Variants in SRGAP1 observed in about 807,000 individuals in gnomAD.
The protein encoded by SRGAP1 is SLIT-ROBO Rho GTPase activating protein 1.
SRGAP1 carries 43 observed loss-of-function variants against 121.9 expected under a neutral mutation model. The observed-to-expected ratio is 0.35, with a 90% confidence interval of 0.28 to 0.46. SRGAP1 has a LOEUF of 0.46. Among genes scored for constraint, SRGAP1 ranks in the 20% least tolerant of loss-of-function variants. SRGAP1 has a pLI of 1.00. For missense variants in SRGAP1, 1,102 were observed against 1,350.9 expected, an observed-to-expected ratio of 0.82 and a Z score of 2.89; for synonymous variants, 447 against 485.4, an observed-to-expected ratio of 0.92 and a Z score of 1.04.
In SRGAP1 at chr12:63,946,936, AT is replaced by A. The variant is rs576817613; in HGVS notation, c.68-37001del. ...GTCTTGCTTCTTTTACTTAGCAAAGATTTTTTTTTTAATTCACTCATATTGC... is the reference window on the plus strand; with the variant it reads ...GTCTTGCTTCTTTTACTTAGCAAAGATTTTTTTTTAATTCACTCATATTGC... On this transcript the variant is annotated intron_variant, in intron 1 of 21. Transcript: ENST00000355086. 2.7e-3 allele frequency among the ~76,000 whole-genome samples: 404 copies of A among 150,438 alleles called. 4 individuals are homozygous for A. Among genetic ancestry groups the A allele is most frequent in the Middle Eastern group, 0.017 (5 of 294 alleles).
chr12:63,877,238 G>A (rs555486978), intron 1 of SRGAP1, among the ~76,000 whole-genome samples: 1 of 152,038 alleles, frequency 6.6e-6, no homozygotes, highest in Non-Finnish European at 1.5e-5. Flanking sequence ...AAAAGAAAGA[G>A]AAAATAATGG....
intron 3 of SRGAP1, among the ~76,000 whole-genome samples, chr12:64,004,785 C>T (rs2034027391): frequency 6.6e-6 from 1 of 152,178 alleles, no homozygotes; most frequent in African/African-American, 2.4e-5. Context: ...ACATTCCTAC[C>T]ATATGTTGAG....
intron 1 of SRGAP1, chr12:63,879,269 C>T: frequency 6.6e-6 from 1 of 152,580 alleles, no homozygotes; most frequent in East Asian, 1.9e-4. Context: ...CCAGCCTTGG[C>T]CTTCCGAAGT....
At chr12:64,078,104 A>G (rs2035770651) in intron 8 of SRGAP1, among the ~76,000 whole-genome samples, 1 of 152,132 alleles carries the variant, frequency 6.6e-6, no homozygotes, top group African/African-American at 2.4e-5. Context: ...GACAATACCA[A>G]CTGTTGATGA....
chr12:64,086,629 G>C (rs2035944286), intron 10 of SRGAP1, among the ~76,000 whole-genome samples: 1 of 147,970 alleles, frequency 6.8e-6, no homozygotes, highest in Non-Finnish European at 1.5e-5. Context: ...AAAACAGAGA[G>C]AATAACTAAC....
intron 10 of SRGAP1, chr12:64,081,380 A>G (rs1047460002): frequency 6.6e-6 from 1 of 152,048 alleles, no homozygotes. Context: ...AGAACTCATC[A>G]TCCTCAGGGA....
chr12:64,130,819 T>C (rs969676336), intron 21 of SRGAP1, among the ~76,000 whole-genome samples: 5 of 152,158 alleles, frequency 3.3e-5, no homozygotes, highest in Admixed American at 2.6e-4. Context: ...GCAGAAGCAT[T>C]GTGTGCAGGA....
intron 1 of SRGAP1, among the ~76,000 whole-genome samples, chr12:63,847,013 G>A (rs1221156565): frequency 6.6e-6 from 1 of 152,166 alleles, no homozygotes; most frequent in African/African-American, 2.4e-5. Context: ...CCCTCGCAGA[G>A]TGCTAGTCTG....
intron 15 of SRGAP1, among the ~76,000 whole-genome samples, chr12:64,108,068 T>C (rs2036374377): frequency 6.6e-6 from 1 of 152,236 alleles, no homozygotes; most frequent in African/African-American, 2.4e-5. Context: ...GGGATGACAG[T>C]GTGTGCCCTG....
chr12:64,069,278 A>C (rs2035598043), intron 8 of SRGAP1, among the ~76,000 whole-genome samples: 1 of 152,188 alleles, frequency 6.6e-6, no homozygotes. Flanking sequence ...AGAGCAGTAC[A>C]CACTTGTGAA....
At chr12:64,128,695 A>G (rs2136639532) in intron 21 of SRGAP1, among the ~76,000 whole-genome samples, 1 of 152,316 alleles carries the variant, frequency 6.6e-6, no homozygotes, top group Admixed American at 6.5e-5. Flanking sequence ...CCTACTGTAT[A>G]TGATAAAGAT....
At chr12:63,926,372 G>T (rs1001075463) in intron 1 of SRGAP1, among the ~76,000 whole-genome samples, 1 of 152,092 alleles carries the variant, frequency 6.6e-6, no homozygotes, top group African/African-American at 2.4e-5. Context: ...TATCATTCCA[G>T]TTTCATAGGA....
chr12:63,867,640 A>G lies in SRGAP1; in HGVS notation c.67+22757A>G, dbSNP rs1899684244. Reference sequence around the variant, plus strand: ...TATTATGAGGATTAATGATTAAATGAGATCATACCTTCAAAGAGCTTAACA... The same window carrying G: ...TATTATGAGGATTAATGATTAAATGGGATCATACCTTCAAAGAGCTTAACA... On this transcript the variant is annotated intron_variant, in intron 1 of 21. Coordinates refer to ENST00000355086, the MANE Select transcript of SRGAP1 (RefSeq NM_020762.4). Among the ~76,000 whole-genome samples, 2 of 152,214 alleles carry G rather than the reference A, an allele frequency of 1.3e-5. 1 individual carries two copies. The highest frequency in any genetic ancestry group is 4.1e-4 in the South Asian group (2 of 4,830).
chr12:63,961,627 C>A (rs1006754149), intron 1 of SRGAP1, among the ~76,000 whole-genome samples: 2 of 152,166 alleles, frequency 1.3e-5, no homozygotes, highest in African/African-American at 4.8e-5. Context: ...ATCACAATGC[C>A]TGATAGTGGG....
intron 3 of SRGAP1, among the ~76,000 whole-genome samples, chr12:64,004,726 C>T (rs1373683927): frequency 2.0e-5 from 3 of 152,202 alleles, no homozygotes; most frequent in Non-Finnish European, 4.4e-5. Context: ...CCATTTTTCT[C>T]ATCTGAGAAA....
chr12:64,079,688 A>T (rs1403121790), intron 9 of SRGAP1, among the ~76,000 whole-genome samples: 1 of 151,886 alleles, frequency 6.6e-6, no homozygotes, highest in Non-Finnish European at 1.5e-5. Flanking sequence ...CCCAACTCTA[A>T]AATTTAAAAA....
At chr12:64,009,851 C>T (rs761767511) in intron 3 of SRGAP1, among the ~76,000 whole-genome samples, 2 of 152,098 alleles carry the variant, frequency 1.3e-5, no homozygotes, top group Non-Finnish European at 2.9e-5. Flanking sequence ...TTAGTAAGTA[C>T]AAAACCATGT....
chr12:64,024,134 T>C (rs189094730), intron 4 of SRGAP1, among the ~76,000 whole-genome samples: 2 of 152,336 alleles, frequency 1.3e-5, no homozygotes, highest in East Asian at 3.9e-4. Flanking sequence ...TAATCGGCTT[T>C]CATATTAGGA....
chr12:64,142,307 A>G lies in SRGAP1; in HGVS notation c.2893A>G (p.Thr965Ala). 1 of 1,612,938 alleles carries G rather than the reference A, an allele frequency of 6.2e-7. No individual in the cohort carries two copies. Among genetic ancestry groups the G allele is most frequent in the Non-Finnish European group, 8.5e-7 (1 of 1,179,066 alleles). The change falls in exon 22 of 22, where the codon ACG becomes GCG. Residue 965 changes from threonine (T) to alanine (A), a missense_variant. By Grantham distance (58) the Thr-to-Ala change is moderately conservative. This residue lies in a region of SRGAP1 where 315 missense variants were observed against 343.1 expected (regional missense o/e 0.92). Transcript: ENST00000355086. ...TATTCTTCAATAGGATATTGAAGAA[A>G]CGATGAACACAGCTTTGAATGAACT... ...PETIAQDIEE[T>A]MNTALNELRE... is the part of the protein sequence containing the mutation.
Sources: allele counts gnomAD v4.1 joint callset (sites outside exome capture counted in the v4.1 genomes callset), GRCh38; gene constraint gnomAD v4.1.1; regional missense constraint gnomAD v4.1.1; transcripts MANE v1.5; gene names NCBI Gene and HGNC (gene_info 2026-07-23, HGNC 2026-07-21).